The following NALCN variants were observed in gnomAD, a reference collection of about 807,000 sequenced individuals.
NALCN encodes sodium leak channel, non-selective, also known as sodium leak channel NALCN.
Under a neutral mutation model 225.3 loss-of-function variants are expected in NALCN, and 111 were observed. The observed-to-expected ratio is 0.49, with a 90% confidence interval of 0.42 to 0.58. The LOEUF (loss-of-function observed/expected upper bound fraction) is 0.58, where lower values mean the gene tolerates loss of function less well. Among genes scored for constraint, NALCN ranks in the 20% least tolerant of loss-of-function variants. The probability of loss-of-function intolerance (pLI) is 0.00; values close to 1 mark genes in which losing one functional copy is unlikely to be tolerated. For synonymous variants in NALCN, 764 were observed against 769.0 expected (o/e 0.99, Z 0.11); for missense variants, 1,378 against 2,202.4 (o/e 0.63, Z 7.49).
chr13:101,091,583 T>G (rs1163545105), intron 28 of NALCN, among the ~76,000 whole-genome samples: 3 of 152,186 alleles, frequency 2.0e-5, no homozygotes, highest in Admixed American at 1.3e-4. Context: ...TTTTTATGTA[T>G]GAAAGTACAA....
chr13:101,329,980 A>G (rs562287186), intron 7 of NALCN, among the ~76,000 whole-genome samples: 72 of 151,810 alleles, frequency 4.7e-4, no homozygotes, highest in African/African-American at 1.7e-3. Flanking sequence ...AGGAGGCTGC[A>G]GTGAGCTGAG....
At chr13:101,173,467 CCTCT>C (rs1253129517) in intron 15 of NALCN, among the ~76,000 whole-genome samples, 2 of 152,102 alleles carry the variant, frequency 1.3e-5, no homozygotes, top group Non-Finnish European at 1.5e-5. Context: ...AGTTACTTAA[CCTCT>C]CTATGTCTTA....
At position 101,054,340 on chromosome 13, in the gene NALCN, A is replaced by AAATCT. The variant is rs1043807929; in HGVS notation, c.*950_*954dup. 2 of 152,244 alleles carry AAATCT rather than the reference A, an allele frequency of 1.3e-5. No homozygotes were observed. Among genetic ancestry groups the AAATCT allele is most frequent in the African/African-American group, 4.8e-5 (2 of 41,462 alleles). 9.4% of individuals were successfully genotyped at this position (152,244 alleles called of 1,614,324 possible). A position where few individuals can be genotyped will look rare whatever the true frequency, so the allele number is the denominator to read the frequency against. The stretch of plus-strand genomic sequence containing the variant: ...ATTCTTTTAACAGAGATGTCATTTC[A>AAATCT]AATCTAACGTAGCAATGGTGTGTTA... On this transcript the variant is annotated 3_prime_UTR_variant, in exon 44 of 44. Transcript: ENST00000251127.
intron 28 of NALCN, 127 bp from the exon 29 acceptor site, chr13:101,090,093 T>TAC: frequency 7.5e-7 from 1 of 1,330,128 alleles, no homozygotes; most frequent in Non-Finnish European, 1.0e-6. Context: ...CACACATATA[T>TAC]ACACACACAC....
intron 1 of NALCN, among the ~76,000 whole-genome samples, chr13:101,410,535 C>A (rs2047750924): frequency 6.6e-6 from 1 of 152,164 alleles, no homozygotes; most frequent in Non-Finnish European, 1.5e-5. Flanking sequence ...GCATTGTATA[C>A]AGGAATTAAA....
At chr13:101,066,796 T>C (rs1178390561) in intron 39 of NALCN, among the ~76,000 whole-genome samples, 3 of 152,054 alleles carry the variant, frequency 2.0e-5, no homozygotes, top group Non-Finnish European at 4.4e-5. Flanking sequence ...TCATTTATGA[T>C]GCCCAGGCTG....
intron 13 of NALCN, among the ~76,000 whole-genome samples, chr13:101,220,157 G>A (rs1430813636): frequency 6.6e-6 from 1 of 152,156 alleles, no homozygotes; most frequent in Non-Finnish European, 1.5e-5. Context: ...AGATAACATA[G>A]ACAATTGCTG....
At chr13:101,154,449 C>T (rs1479979065) in intron 15 of NALCN, among the ~76,000 whole-genome samples, 1 of 152,210 alleles carries the variant, frequency 6.6e-6, no homozygotes, top group Non-Finnish European at 1.5e-5. Flanking sequence ...TTTTTAGACA[C>T]ATCTTCCAGG....
At chr13:101,238,174 T>C (rs936880257) in intron 11 of NALCN, among the ~76,000 whole-genome samples, 3 of 151,932 alleles carry the variant, frequency 2.0e-5, no homozygotes, top group East Asian at 1.9e-4. Flanking sequence ...ATTATTTCTT[T>C]ATTATCTATA....
At chr13:101,105,187 A>G (rs1315037146) in intron 22 of NALCN, among the ~76,000 whole-genome samples, 3 of 152,210 alleles carry the variant, frequency 2.0e-5, no homozygotes, top group South Asian at 2.1e-4. Flanking sequence ...ATTTCTCAAA[A>G]TACTTGATTT....
rs537800420 is a variant in NALCN at position 101,065,282 on chromosome 13, G to A, written c.4604+122C>T. 279 of 1,054,788 alleles carry A rather than the reference G, an allele frequency of 2.6e-4. 3 individuals carry two copies. The South Asian group carries it at 3.9e-3, about 15-fold the overall frequency. The allele number at this position is 1,054,788 out of a possible 1,614,324, so 65.3% of individuals were successfully genotyped here. On this transcript the variant is annotated intron_variant, in intron 40 of 43. Coordinates refer to ENST00000251127, the MANE Select transcript of NALCN (RefSeq NM_052867.4). ...CCTGGGACATGTGACCCCACTTCAC[G>A]ACCACAGCAGATGTGGCATTTTGGG...
chr13:101,167,771 G>C (rs1048133327), intron 15 of NALCN, among the ~76,000 whole-genome samples: 3 of 141,740 alleles, frequency 2.1e-5, no homozygotes, highest in African/African-American at 5.0e-5. Flanking sequence ...CTGGGAGGCA[G>C]AGGTTGCAGT....
intron 28 of NALCN, among the ~76,000 whole-genome samples, chr13:101,090,529 T>G (rs917954754): frequency 6.6e-6 from 1 of 152,128 alleles, no homozygotes; most frequent in Non-Finnish European, 1.5e-5. Context: ...CATTTAGAGG[T>G]CACTGAGACG....
At chr13:101,230,488 C>G (rs956533979) in intron 12 of NALCN, among the ~76,000 whole-genome samples, 3 of 152,212 alleles carry the variant, frequency 2.0e-5, no homozygotes, top group African/African-American at 7.2e-5. Flanking sequence ...AGCTAGCTGT[C>G]TCCAGTGGAC....
At chr13:101,403,567 G>A (rs2047536194) in intron 1 of NALCN, among the ~76,000 whole-genome samples, 1 of 152,168 alleles carries the variant, frequency 6.6e-6, no homozygotes, top group Non-Finnish European at 1.5e-5. Flanking sequence ...GATGTGAGAA[G>A]ATAAACATAC....
intron 1 of NALCN, among the ~76,000 whole-genome samples, chr13:101,406,581 T>C (rs980395838): frequency 2.0e-5 from 3 of 152,220 alleles, no homozygotes; most frequent in African/African-American, 7.2e-5. Context: ...CAGACATTTC[T>C]CATCTCCTGA....
At chr13:101,313,365 CA>C (rs747476405) in intron 7 of NALCN, among the ~76,000 whole-genome samples, 3 of 151,998 alleles carry the variant, frequency 2.0e-5, no homozygotes, top group Non-Finnish European at 4.4e-5. Context: ...TTCTGCACAG[CA>C]AAAGAAACCG....
chr13:101,105,099 C>A (rs1409426266), intron 22 of NALCN, 149 bp from the exon 23 acceptor site: 2 of 604,414 alleles, frequency 3.3e-6, no homozygotes, highest in Non-Finnish European at 5.6e-6. Flanking sequence ...CTGTAGGTAA[C>A]TCTGGAGGTC....
intron 10 of NALCN, among the ~76,000 whole-genome samples, chr13:101,263,943 G>C (rs567617194): frequency 6.6e-6 from 1 of 152,234 alleles, no homozygotes; most frequent in African/African-American, 2.4e-5. Flanking sequence ...ATGTAAAAAG[G>C]CTGATGACAT....
Sources: allele counts gnomAD v4.1 joint callset (sites outside exome capture counted in the v4.1 genomes callset), GRCh38; gene constraint gnomAD v4.1.1; transcripts MANE v1.5; gene names NCBI Gene and HGNC (gene_info 2026-07-23, HGNC 2026-07-21).